Variants in ZNF385C observed in about 807,000 individuals in gnomAD.
The protein encoded by ZNF385C is CTD-2132N18.2.
ZNF385C carries 28 observed loss-of-function variants against 35.4 expected under a neutral mutation model. The ratio of observed to expected loss-of-function variants is 0.79; its 90% CI spans 0.59 to 1.08. ZNF385C has a LOEUF of 1.08. Among genes scored for constraint, ZNF385C ranks in the 50% least tolerant of loss-of-function variants. The pLI is 0.00. For synonymous variants in ZNF385C, 248 were observed against 248.2 expected (o/e 1.00, Z 0.01); for missense variants, 605 against 595.6 (o/e 1.02, Z -0.16).
At chr17:42,087,807 A>G (rs958545467) in intron 1 of ZNF385C, among the ~76,000 whole-genome samples, 2 of 152,218 alleles carry the variant, frequency 1.3e-5, no homozygotes, top group African/African-American at 4.8e-5. Flanking sequence ...TGCACATACA[A>G]TAATGTCTGA....
chr17:42,062,871 A>G lies in ZNF385C; in HGVS notation c.186T>C (p.Cys62=). The G allele has an allele frequency of 1.5e-6, 1 of 661,448 alleles. No individual in the cohort carries two copies. The highest frequency in any genetic ancestry group is 2.7e-6 in the Non-Finnish European group (1 of 365,658). 41.0% of individuals were successfully genotyped at this position (661,448 alleles called of 1,614,324 possible). A position where few individuals can be genotyped will look rare whatever the true frequency, so the allele number is the denominator to read the frequency against. ...GCCGCCTCTGGTGGGCCCGCCCCCCACAGTGCACCTGGGCCTGGGCCGCCG... is the reference window on the plus strand; with the variant it reads ...GCCGCCTCTGGTGGGCCCGCCCCCCGCAGTGCACCTGGGCCTGGGCCGCCG... ...LNSAAQAQVH[C]GGRAHQRRLR... Residue 62 remains cysteine, a synonymous_variant, in exon 2 of 9, where the codon TGT becomes TGC. Coordinates refer to ENST00000692273, the MANE Select transcript of ZNF385C (RefSeq NM_001392013.1).
At chr17:42,075,490 TCC>T (rs1555659174) in intron 1 of ZNF385C, among the ~76,000 whole-genome samples, 1 of 147,172 alleles carries the variant, frequency 6.8e-6, no homozygotes, top group Non-Finnish European at 1.5e-5. Context: ...TCCTTTATAC[TCC>T]TTTTTTTTTT....
intron 1 of ZNF385C, among the ~76,000 whole-genome samples, chr17:42,085,429 C>T (rs868947547): frequency 3.0e-4 from 45 of 151,062 alleles, no homozygotes; most frequent in Non-Finnish European, 5.6e-4. Context: ...CCACCACGTC[C>T]GGCTAATTTT....
rs550121956 is a variant in ZNF385C at position 42,031,480 on chromosome 17, G to A, written c.676+139C>T. The A allele has an allele frequency of 6.1e-5, 67 of 1,098,990 alleles. No homozygotes were observed. In the African/African-American group the frequency reaches 7.4e-4, roughly 12 times the overall value. The allele number at this position is 1,098,990 out of a possible 1,614,324, so 68.1% of individuals were successfully genotyped here. On this transcript the variant is annotated intron_variant, in intron 5 of 8. Transcript: ENST00000692273. Reference sequence around the variant, plus strand: ...TGTTCAGCTTAGGAAAATTCATGGCGTGGTACACTTGTGTGCCTTTGCCTG... The same window carrying A: ...TGTTCAGCTTAGGAAAATTCATGGCATGGTACACTTGTGTGCCTTTGCCTG...
intron 2 of ZNF385C, among the ~76,000 whole-genome samples, chr17:42,052,428 TA>T (rs1419855567): frequency 6.6e-6 from 1 of 151,798 alleles, no homozygotes; most frequent in Non-Finnish European, 1.5e-5. Context: ...GGCACATACA[TA>T]CATACCTCCC....
rs2053909960 is a variant in ZNF385C, at chr17:42,095,618, A to G, written c.-3+2792T>C. 6.6e-6 allele frequency among the ~76,000 whole-genome samples: 1 copy of G among 152,160 alleles called. No homozygotes were observed. The highest frequency in any genetic ancestry group is 1.5e-5 in the Non-Finnish European group (1 of 68,020). On this transcript the variant is annotated intron_variant, in intron 1 of 8. Transcript: ENST00000692273. The surrounding 1 kb of genome is among the most constrained non-coding windows in gnomAD (Gnocchi z 4.4). ...CCTTCCCTCTCAAGCATCACAGGAC[A>G]TTAAAAAAAAAATTGTCCCAGTTTT...
At position 42,027,134 on chromosome 17, in the gene ZNF385C, C is replaced by T. The variant is rs782339911; in HGVS notation, c.1276-1G>A. ...GTTGCTTCTGCAAGGCCAGTTTAGA[C>T]TACACGGAAAAGAAAGGAATGGACA... is the stretch of plus-strand genomic sequence containing the variant. On this transcript the variant is annotated splice_acceptor_variant, in intron 8 of 8. Transcript: ENST00000692273. LOFTEE classifies it high-confidence loss of function. 6.2e-7 allele frequency: 1 copy of T among 1,613,296 alleles called. No homozygotes were observed. The highest frequency in any genetic ancestry group is 8.5e-7 in the Non-Finnish European group (1 of 1,179,776).
intron 1 of ZNF385C, among the ~76,000 whole-genome samples, chr17:42,072,529 G>T (rs2053639460): frequency 6.6e-6 from 1 of 152,058 alleles, no homozygotes; most frequent in South Asian, 2.1e-4. Flanking sequence ...GGGCGGCGGG[G>T]AGTGCGGGCC....
intron 2 of ZNF385C, chr17:42,039,741 C>T (rs1044540984): frequency 1.2e-4 from 151 of 1,232,396 alleles, no homozygotes; most frequent in Non-Finnish European, 1.5e-4. Context: ...CCTCTCCCCA[C>T]CCACTCTCTA....
Position 42,028,820 on chromosome 17 carries a change from T to G in ZNF385C, c.930A>C (p.Thr310=), listed in dbSNP as rs1555654638. The G allele has an allele frequency of 2.6e-6, 4 of 1,550,454 alleles. No homozygotes were observed. The African/African-American group carries it at 5.5e-5, about 21-fold the overall frequency. Residue 310 remains threonine (T), a synonymous_variant, in exon 6 of 9, where the codon ACA becomes ACC. Coordinates refer to ENST00000692273, the MANE Select transcript of ZNF385C (RefSeq NM_001392013.1). Reference sequence around the variant, plus strand: ...CCTGAAGCTGGGAGGCCGAGTTCACTGTCACCTTACACGTGGGGCAGTAGA... The same window carrying G: ...CCTGAAGCTGGGAGGCCGAGTTCACGGTCACCTTACACGTGGGGCAGTAGA... ...GHLYCPTCKV[T]VNSASQLQAH... is the part of the protein sequence containing the mutation.
chr17:42,053,335 AG>A (rs1172403974), intron 2 of ZNF385C, among the ~76,000 whole-genome samples: 6 of 152,084 alleles, frequency 3.9e-5, no homozygotes, highest in African/African-American at 1.4e-4. Flanking sequence ...ACAGATAAAG[AG>A]GGGGAGGGGA....
chr17:42,093,585 ATT>A (rs34648348), intron 1 of ZNF385C, among the ~76,000 whole-genome samples: 2,578 of 143,176 alleles, frequency 0.018, 76 homozygotes, highest in African/African-American at 0.063. Context: ...TATTTTATTT[ATT>A]TTTTTTTTTT....
intron 1 of ZNF385C, among the ~76,000 whole-genome samples, chr17:42,076,546 C>CG (rs1217242648): frequency 2.0e-5 from 3 of 151,974 alleles, no homozygotes; most frequent in East Asian, 1.9e-4. Context: ...GGTGTGAACC[C>CG]GGGGGGCGGA....
intron 1 of ZNF385C, among the ~76,000 whole-genome samples, chr17:42,067,806 T>C (rs1420238675): frequency 2.0e-5 from 3 of 151,058 alleles, no homozygotes; most frequent in Non-Finnish European, 4.4e-5. Flanking sequence ...GGGGGAGAGG[T>C]CCCATTCCCC....
At chr17:42,079,502 CAA>C (rs113892632) in intron 1 of ZNF385C, among the ~76,000 whole-genome samples, 4 of 127,784 alleles carry the variant, frequency 3.1e-5, no homozygotes, top group Non-Finnish European at 6.6e-5. Flanking sequence ...TCTATCTTTA[CAA>C]AAAAAAAAAA....
Position 42,079,506 on chromosome 17 carries a change from A to G in ZNF385C, c.-2-16448T>C, listed in dbSNP as rs1259731735. 2.6e-5 allele frequency among the ~76,000 whole-genome samples: 4 copies of G among 151,700 alleles called. No individual in the cohort carries two copies. The East Asian group carries it at 7.7e-4, about 29-fold the overall frequency. ...GAGTTTGAGACTCTATCTTTACAAA[A>G]AAAAAAAAAATTAGTTGACCATGGT... On this transcript the variant is annotated intron_variant, in intron 1 of 8. Transcript: ENST00000692273.
intron 2 of ZNF385C, 79 bp downstream of exon 2, chr17:42,062,728 C>T (rs1448877313): frequency 2.2e-6 from 1 of 464,648 alleles, no homozygotes; most frequent in Non-Finnish European, 3.8e-6. Context: ...AGGCCACAGA[C>T]CCAGAGCCCC....
intron 2 of ZNF385C, chr17:42,039,597 G>C (rs563676213): frequency 9.5e-7 from 1 of 1,055,448 alleles, no homozygotes; most frequent in South Asian, 4.9e-5. Flanking sequence ...CAGGCCCCTG[G>C]GAGGCTGCAG....
chr17:42,090,966 C>A (rs2053859521), intron 1 of ZNF385C, among the ~76,000 whole-genome samples: 1 of 152,170 alleles, frequency 6.6e-6, no homozygotes, highest in African/African-American at 2.4e-5. Flanking sequence ...GCAAGTATAA[C>A]ACATAGTAGG....
Sources: allele counts gnomAD v4.1 joint callset (sites outside exome capture counted in the v4.1 genomes callset), GRCh38; gene constraint gnomAD v4.1.1; non-coding constraint Gnocchi (gnomAD v3.1); transcripts MANE v1.5; gene names NCBI Gene and HGNC (gene_info 2026-07-23, HGNC 2026-07-21).